Variants in PTPRE observed in about 807,000 individuals in gnomAD.
PTPRE encodes protein tyrosine phosphatase receptor type E.
Under a neutral mutation model 102.0 loss-of-function variants are expected in PTPRE, and 51 were observed. That is an observed-to-expected ratio of 0.50 (90% CI 0.40 to 0.63). The LOEUF (loss-of-function observed/expected upper bound fraction) is 0.63. PTPRE is among the 30% of genes least tolerant of loss of function. The pLI is 0.00. For synonymous variants in PTPRE, 345 were observed against 348.2 expected (o/e 0.99, Z 0.10); for missense variants, 752 against 915.1 (o/e 0.82, Z 2.30).
chr10:127,955,871 AAGAG>A (rs1280204749), intron 1 of PTPRE, among the ~76,000 whole-genome samples: 8 of 152,102 alleles, frequency 5.3e-5, no homozygotes, highest in Non-Finnish European at 1.2e-4. Context: ...GGTGGCAGGA[AAGAG>A]AGAGAGAAGG....
chr10:128,027,804 T>A (rs1284913628), intron 2 of PTPRE, among the ~76,000 whole-genome samples: 1 of 152,190 alleles, frequency 6.6e-6, no homozygotes, highest in Non-Finnish European at 1.5e-5. Flanking sequence ...AGATCCTGGA[T>A]AAATGAACCG....
At chr10:128,017,528 C>G (rs1188887727) in intron 2 of PTPRE, among the ~76,000 whole-genome samples, 1 of 152,048 alleles carries the variant, frequency 6.6e-6, no homozygotes, top group Non-Finnish European at 1.5e-5. Context: ...ATGCCCTCCC[C>G]ACACAGGCAC....
At chr10:128,054,398 C>T (rs1037004018) in intron 6 of PTPRE, among the ~76,000 whole-genome samples, 1 of 152,006 alleles carries the variant, frequency 6.6e-6, no homozygotes, top group Non-Finnish European at 1.5e-5. Flanking sequence ...AGAGAAGGCT[C>T]TAGAATTTTA....
chr10:127,928,951 G>A (rs544362214), intron 1 of PTPRE, among the ~76,000 whole-genome samples: 4 of 152,318 alleles, frequency 2.6e-5, no homozygotes, highest in African/African-American at 9.6e-5. Context: ...TGTCTGTTAA[G>A]TACAGAGGTT....
intron 7 of PTPRE, 98 bp downstream of exon 7, chr10:128,056,311 C>A: frequency 1.0e-6 from 1 of 982,598 alleles, no homozygotes; most frequent in South Asian, 1.4e-5. Flanking sequence ...TCCTGGTGCT[C>A]AGAGGCCCCA....
chr10:127,928,938 G>A lies in PTPRE; in HGVS notation c.-31+21629G>A, dbSNP rs577290504. Among the ~76,000 whole-genome samples the A allele has an allele frequency of 3.3e-5, 5 of 152,330 alleles. No homozygotes were observed. In the East Asian group the frequency reaches 7.7e-4, roughly 23 times the overall value. The stretch of plus-strand genomic sequence containing the variant: ...GATTAGCTGTGTAGCTACGGAAAGC[G>A]AATGTCTGTTAAGTACAGAGGTTGT... On this transcript the variant is annotated intron_variant, in intron 1 of 20. Coordinates refer to ENST00000254667, the MANE Select transcript of PTPRE (RefSeq NM_006504.6).
intron 2 of PTPRE, among the ~76,000 whole-genome samples, chr10:128,015,751 C>T (rs1328105550): frequency 1.3e-5 from 2 of 152,144 alleles, no homozygotes; most frequent in Admixed American, 1.3e-4. Context: ...TTCGAGGTTA[C>T]AGTGAGCTAT....
intron 1 of PTPRE, among the ~76,000 whole-genome samples, chr10:127,949,980 C>A (rs1252678061): frequency 6.6e-6 from 1 of 152,060 alleles, no homozygotes; most frequent in Non-Finnish European, 1.5e-5. Context: ...CTCACAGCCT[C>A]CCCTGAGCCA....
intron 1 of PTPRE, among the ~76,000 whole-genome samples, chr10:127,922,476 C>T (rs141267806): frequency 1.3e-3 from 201 of 152,300 alleles, no homozygotes; most frequent in African/African-American, 4.4e-3. Context: ...TTGTGTTGTC[C>T]GTGTGGGATT....
intron 17 of PTPRE, among the ~76,000 whole-genome samples, chr10:128,075,208 G>A (rs1448444790): frequency 6.6e-6 from 1 of 152,152 alleles, no homozygotes; most frequent in Non-Finnish European, 1.5e-5. Context: ...CATTAGCTCA[G>A]GTATTCCTTC....
intron 2 of PTPRE, among the ~76,000 whole-genome samples, chr10:128,005,249 A>T (rs1431607951): frequency 6.6e-6 from 1 of 152,244 alleles, no homozygotes; most frequent in East Asian, 1.9e-4. Context: ...TTCTAGACAG[A>T]GACTGAGCAT....
chr10:127,937,895 T>G lies in PTPRE; in HGVS notation c.-31+30586T>G, dbSNP rs576362065. Among the ~76,000 whole-genome samples the G allele has an allele frequency of 3.2e-3, 478 of 148,904 alleles. 3 individuals carry two copies. The highest frequency in any genetic ancestry group is 5.8e-3 in the Non-Finnish European group (388 of 66,774). Reference sequence around the variant, plus strand: ...AGTAAAATAAGCTACTCGTAAGGGGTGTGTGTGTGTGTGTGTACATGCATG... The same window carrying G: ...AGTAAAATAAGCTACTCGTAAGGGGGGTGTGTGTGTGTGTGTACATGCATG... On this transcript the variant is annotated intron_variant, in intron 1 of 20. Transcript: ENST00000254667.
intron 2 of PTPRE, chr10:127,998,171 A>G (rs2135540250): frequency 6.6e-6 from 1 of 152,362 alleles, no homozygotes; most frequent in South Asian, 2.1e-4. Flanking sequence ...TCTGCAGTAG[A>G]GATGGTTTTC....
At chr10:128,062,227 C>A (rs908606748) in intron 9 of PTPRE, among the ~76,000 whole-genome samples, 4 of 152,206 alleles carry the variant, frequency 2.6e-5, no homozygotes, top group Non-Finnish European at 5.9e-5. Context: ...GGAGCTGAAA[C>A]CAGATTCCTC....
In PTPRE at chr10:128,069,663, C is replaced by T. The variant is rs766084405; in HGVS notation, c.1008-29C>T. On this transcript the variant is annotated intron_variant, in intron 12 of 20. Transcript: ENST00000254667. ...TTTACTTCGGGAGGAGTGTGACTCA[C>T]GACGCAGCATCTTTCTCTTTCCCCA... 9 of 1,612,774 alleles carry T rather than the reference C, an allele frequency of 5.6e-6. No individual in the cohort carries two copies. The South Asian group carries it at 7.7e-5, about 14-fold the overall frequency.
intron 20 of PTPRE, 117 bp downstream of exon 20, chr10:128,079,812 C>T: frequency 7.5e-7 from 1 of 1,327,214 alleles, no homozygotes; most frequent in Non-Finnish European, 1.0e-6. Flanking sequence ...GTAAAATTCC[C>T]AAGGAAAAGA....
chr10:128,065,218 A>G (rs1849974432), intron 10 of PTPRE, among the ~76,000 whole-genome samples: 2 of 152,230 alleles, frequency 1.3e-5, no homozygotes, highest in Non-Finnish European at 2.9e-5. Context: ...TTGTTTCATA[A>G]GACTGTTAAT....
Position 128,083,595 on chromosome 10 carries a change from C to T in PTPRE, c.*689C>T, listed in dbSNP as rs1054403683. 5 of 152,214 alleles carry T rather than the reference C, an allele frequency of 3.3e-5. No homozygotes were observed. The highest frequency in any genetic ancestry group is 6.5e-5 in the Admixed American group (1 of 15,284). The allele number at this position is 152,214 out of a possible 1,614,324, so 9.4% of individuals were successfully genotyped here. A position where few individuals can be genotyped will look rare whatever the true frequency, so the allele number is the denominator to read the frequency against. On this transcript the variant is annotated 3_prime_UTR_variant, in exon 21 of 21. Transcript: ENST00000254667. Reference sequence around the variant, plus strand: ...AAGAGATGTAAATGCTGGGTGGTCCCGTTGACCCACGGCGTTGGGTACAAC... The same window carrying T: ...AAGAGATGTAAATGCTGGGTGGTCCTGTTGACCCACGGCGTTGGGTACAAC...
intron 1 of PTPRE, among the ~76,000 whole-genome samples, chr10:127,932,722 C>T (rs1182172992): frequency 2.6e-5 from 4 of 152,228 alleles, no homozygotes; most frequent in African/African-American, 4.8e-5. Flanking sequence ...AGTGGCTCAC[C>T]GTCAGAGAAG....
Sources: gnomAD v4.1 joint callset for allele counts (sites outside exome capture counted in the v4.1 genomes callset) on GRCh38, gnomAD v4.1.1 for gene constraint, MANE v1.5 for transcripts, NCBI Gene and HGNC (gene_info 2026-07-23, HGNC 2026-07-21) for gene names.